The following KCNJ6 variants were observed in gnomAD, a reference collection of about 807,000 sequenced individuals.
The protein encoded by KCNJ6 is potassium inwardly rectifying channel subfamily J member 6.
KCNJ6 carries 9 observed loss-of-function variants against 34.2 expected under a neutral mutation model. The ratio of observed to expected loss-of-function variants is 0.26; its 90% CI spans 0.16 to 0.46. KCNJ6 has a LOEUF of 0.46. Among genes scored for constraint, KCNJ6 ranks in the 20% least tolerant of loss-of-function variants. KCNJ6 has a pLI of 1.00. For missense variants in KCNJ6, 236 were observed against 531.3 expected, an observed-to-expected ratio of 0.44 and a Z score of 5.46; for synonymous variants, 196 against 207.1, an observed-to-expected ratio of 0.95 and a Z score of 0.46.
Position 37,916,232 on chromosome 21 carries a change from G to GAGGGGCGC in KCNJ6, c.-384_-377dup, listed in dbSNP as rs2055893654. 1 of 152,180 alleles carries GAGGGGCGC rather than the reference G, an allele frequency of 6.6e-6. No individual in the cohort carries two copies. The highest frequency in any genetic ancestry group is 2.1e-4 in the South Asian group (1 of 4,826). 9.4% of individuals were successfully genotyped at this position (152,180 alleles called of 1,614,324 possible). A position where few individuals can be genotyped will look rare whatever the true frequency, so the allele number is the denominator to read the frequency against. ...GGGCGCTGGGGCCAAGGGAGGGGCGGAGGGGCGCGCGTTTGGGCAGGGACG... is the reference window on the plus strand; with the variant it reads ...GGGCGCTGGGGCCAAGGGAGGGGCGGAGGGGCGCAGGGGCGCGCGTTTGGGCAGGGACG... On this transcript the variant is annotated 5_prime_UTR_variant, in exon 1 of 4. The change abolishes the stop of an existing upstream ORF in the 5' untranslated region. Transcript: ENST00000609713.
intron 2 of KCNJ6, among the ~76,000 whole-genome samples, chr21:37,734,652 G>A (rs766159368): frequency 1.1e-4 from 16 of 152,042 alleles, no homozygotes; most frequent in Non-Finnish European, 2.1e-4. Context: ...ACTGAAACAA[G>A]TCCTACATCC....
At chr21:37,901,347 T>C (rs995392099) in intron 1 of KCNJ6, among the ~76,000 whole-genome samples, 11 of 152,202 alleles carry the variant, frequency 7.2e-5, no homozygotes, top group African/African-American at 1.4e-4. Flanking sequence ...ATACCCAAAA[T>C]ACACTTTCTC....
At chr21:37,775,831 C>T (rs182326901) in intron 2 of KCNJ6, among the ~76,000 whole-genome samples, 8 of 151,818 alleles carry the variant, frequency 5.3e-5, no homozygotes, top group East Asian at 1.9e-4. Flanking sequence ...CTTGGCGATG[C>T]GGGCTCTTTT....
intron 1 of KCNJ6, among the ~76,000 whole-genome samples, chr21:37,867,778 C>A (rs558593372): frequency 6.6e-6 from 1 of 152,044 alleles, no homozygotes; most frequent in Non-Finnish European, 1.5e-5. Flanking sequence ...AATCAGGCAG[C>A]GAAGAGACTG....
At chr21:37,787,105 G>A (rs1220832320) in intron 2 of KCNJ6, among the ~76,000 whole-genome samples, 2 of 152,092 alleles carry the variant, frequency 1.3e-5, no homozygotes, top group African/African-American at 4.8e-5. Context: ...TTTGTCCTCT[G>A]AATTCAGGCC....
At chr21:37,679,549 A>G (rs2054581606) in intron 3 of KCNJ6, among the ~76,000 whole-genome samples, 1 of 152,240 alleles carries the variant, frequency 6.6e-6, no homozygotes, top group Non-Finnish European at 1.5e-5. Context: ...ACTGTTATTG[A>G]TAATTGCATG....
At chr21:37,907,877 G>T (rs2055849282) in intron 1 of KCNJ6, among the ~76,000 whole-genome samples, 1 of 152,034 alleles carries the variant, frequency 6.6e-6, no homozygotes, top group African/African-American at 2.4e-5. Flanking sequence ...ATAGATTGTT[G>T]GATTATATCC....
rs1163063122 is a variant in KCNJ6 at position 37,916,434 on chromosome 21, G to A, written c.-578C>T. On this transcript the variant is annotated 5_prime_UTR_variant, in exon 1 of 4. Transcript: ENST00000609713. Reference sequence around the variant, plus strand: ...CTGAGCCCCGCTGGCAGCGCACGAAGCGACGCGGCTCCGAGATAAAAGCGA... The same window carrying A: ...CTGAGCCCCGCTGGCAGCGCACGAAACGACGCGGCTCCGAGATAAAAGCGA... 1 of 152,180 alleles carries A rather than the reference G, an allele frequency of 6.6e-6. No homozygotes were observed. The highest frequency in any genetic ancestry group is 1.5e-5 in the Non-Finnish European group (1 of 68,054). The allele number at this position is 152,180 out of a possible 1,614,324, so 9.4% of individuals were successfully genotyped here.
At position 37,623,208 on chromosome 21, in the gene KCNJ6, G is replaced by A. The variant is rs1376055157; in HGVS notation, c.*1951C>T. ...GTCCTGATCCAAGGTCTCTGAGATG[G>A]GAGAAGAGAGGCCCCGAGGTTATAT... On this transcript the variant is annotated 3_prime_UTR_variant, in exon 4 of 4. Coordinates refer to ENST00000609713, the MANE Select transcript of KCNJ6 (RefSeq NM_002240.5). The A allele has an allele frequency of 6.6e-6, 1 of 152,246 alleles. No homozygotes were observed. Among genetic ancestry groups the A allele is most frequent in the Admixed American group, 6.5e-5 (1 of 15,288 alleles). The allele number at this position is 152,246 out of a possible 1,614,324, so 9.4% of individuals were successfully genotyped here.
chr21:37,867,096 T>C (rs1201761398), intron 1 of KCNJ6, among the ~76,000 whole-genome samples: 1 of 152,240 alleles, frequency 6.6e-6, no homozygotes, highest in Non-Finnish European at 1.5e-5. Flanking sequence ...CTTAACTCCA[T>C]AGAAATGTGC....
chr21:37,725,045 A>T (rs938860423), intron 2 of KCNJ6, among the ~76,000 whole-genome samples: 1 of 152,192 alleles, frequency 6.6e-6, no homozygotes, highest in African/African-American at 2.4e-5. Context: ...AATGTCTATT[A>T]AAAAAACAGG....
intron 1 of KCNJ6, among the ~76,000 whole-genome samples, chr21:37,900,317 C>A (rs1265163350): frequency 6.6e-6 from 1 of 152,132 alleles, no homozygotes; most frequent in East Asian, 1.9e-4. Flanking sequence ...TGCTATAAAT[C>A]CACAGGAAGT....
intron 1 of KCNJ6, among the ~76,000 whole-genome samples, chr21:37,909,492 A>T (rs2055857273): frequency 6.6e-6 from 1 of 151,976 alleles, no homozygotes; most frequent in Admixed American, 6.6e-5. Flanking sequence ...CAGCCTCCTG[A>T]GTAGCTGGGA....
In KCNJ6 at chr21:37,735,792, C is replaced by T. The variant is rs140489523; in HGVS notation, c.26-20661G>A. The stretch of plus-strand genomic sequence containing the variant: ...GCTGAAGGCACAGCTCCCACCTCTA[C>T]GGCAGCTGTGGCAGTGGCAGTGGCA... On this transcript the variant is annotated intron_variant, in intron 2 of 3. Coordinates refer to ENST00000609713, the MANE Select transcript of KCNJ6 (RefSeq NM_002240.5). Among the ~76,000 whole-genome samples, 249 of 152,330 alleles carry T rather than the reference C, an allele frequency of 1.6e-3. 1 individual carries two copies. The highest frequency in any genetic ancestry group is 5.2e-3 in the African/African-American group (218 of 41,584).
rs115810385 is a variant in KCNJ6, at chr21:37,806,705, T to C, written c.25+33953A>G. Among the ~76,000 whole-genome samples, 724 of 152,308 alleles carry C rather than the reference T, an allele frequency of 4.8e-3. 8 individuals carry two copies. Among genetic ancestry groups the C allele is most frequent in the African/African-American group, 0.017 (697 of 41,558 alleles). ...TTAACTATACAATCCTGATCTAAAT[T>C]CACAAATATAAACATTTTCTGTGAT... On this transcript the variant is annotated intron_variant, in intron 2 of 3. Coordinates refer to ENST00000609713, the MANE Select transcript of KCNJ6 (RefSeq NM_002240.5).
chr21:37,850,109 T>C (rs1320869018), intron 1 of KCNJ6, among the ~76,000 whole-genome samples: 1 of 152,152 alleles, frequency 6.6e-6, no homozygotes, highest in Non-Finnish European at 1.5e-5. Context: ...GTTTCAGGGA[T>C]GTAGTGATAG....
chr21:37,839,299 G>A lies in KCNJ6; in HGVS notation c.25+1359C>T, dbSNP rs531293800. 7.2e-5 allele frequency among the ~76,000 whole-genome samples: 11 copies of A among 152,302 alleles called. No individual in the cohort carries two copies. The East Asian group carries it at 1.5e-3, about 21-fold the overall frequency. ...AGAAATAAGAGCAGGGGAGAGGGGT[G>A]TCAGTGCTGAAGGGATTTTTTTCTT... On this transcript the variant is annotated intron_variant, in intron 2 of 3. Coordinates refer to ENST00000609713, the MANE Select transcript of KCNJ6 (RefSeq NM_002240.5).
intron 3 of KCNJ6, among the ~76,000 whole-genome samples, chr21:37,713,933 A>C (rs561827671): frequency 2.6e-5 from 4 of 152,192 alleles, no homozygotes; most frequent in Admixed American, 6.5e-5. Context: ...ATCAGAGTTT[A>C]ATTTAGGTAA....
At chr21:37,653,213 A>G (rs892571366) in intron 3 of KCNJ6, among the ~76,000 whole-genome samples, 1 of 152,268 alleles carries the variant, frequency 6.6e-6, no homozygotes. Context: ...GGAACTGTCA[A>G]GAATTTTACT....
Sources: gnomAD v4.1 joint callset for allele counts (sites outside exome capture counted in the v4.1 genomes callset) on GRCh38, gnomAD v4.1.1 for gene constraint, MANE v1.5 for transcripts, NCBI Gene and HGNC (gene_info 2026-07-23, HGNC 2026-07-21) for gene names.